The following MTCL2 variants were observed in gnomAD, a reference collection of about 807,000 sequenced individuals.
MTCL2 encodes microtubule crosslinking factor 2.
chr20:36,789,400 G>A, the MTCL2 span, among the ~76,000 whole-genome samples: 2 of 152,172 alleles, frequency 1.3e-5, no homozygotes, highest in South Asian at 2.1e-4. Flanking sequence ...AGTGGCTCAC[G>A]TCTGTTATCC....
chr20:36,817,209 G>T, the MTCL2 span, among the ~76,000 whole-genome samples: 1 of 147,872 alleles, frequency 6.8e-6, no homozygotes, highest in South Asian at 2.1e-4. Flanking sequence ...AGAGGTTGCA[G>T]TGAGCTGAGA....
the MTCL2 span, among the ~76,000 whole-genome samples, chr20:36,802,623 T>C: frequency 3.9e-5 from 6 of 152,100 alleles, no homozygotes. Flanking sequence ...TGTTTAAGAG[T>C]AAAGCTAACA....
the MTCL2 span, chr20:36,863,056 CACGGACCCCGGT>C: frequency 1.4e-6 from 2 of 1,410,350 alleles, no homozygotes; most frequent in South Asian, 2.7e-5. The surrounding 1 kb of genome is among the most constrained non-coding windows in gnomAD (Gnocchi z 6.2). Flanking sequence ...CGGCCCTTGG[CACGGACCCCGGT>C]GCGGACCCCG....
the MTCL2 span, among the ~76,000 whole-genome samples, chr20:36,857,290 G>A: frequency 6.6e-6 from 1 of 152,116 alleles, no homozygotes; most frequent in East Asian, 1.9e-4. Context: ...TGTTTCTGAC[G>A]TGGGGGTTGC....
chr20:36,862,060 C>G, the MTCL2 span, among the ~76,000 whole-genome samples: 1 of 152,230 alleles, frequency 6.6e-6, no homozygotes, highest in African/African-American at 2.4e-5. Context: ...GGTTCTCCCA[C>G]GACATCATCC....
At chr20:36,804,333 A>C in the MTCL2 span, among the ~76,000 whole-genome samples, 1 of 152,304 alleles carries the variant, frequency 6.6e-6, no homozygotes, top group East Asian at 1.9e-4. Context: ...GCTCCTGGTT[A>C]AGGCTCCTTT....
At chr20:36,780,179 C>CA in the MTCL2 span, 2 of 151,094 alleles carry the variant, frequency 1.3e-5, no homozygotes, top group African/African-American at 4.9e-5. Flanking sequence ...TTCCTCATCT[C>CA]AAAAAATGAG....
chr20:36,831,043 T>C, the MTCL2 span, among the ~76,000 whole-genome samples: 3 of 152,212 alleles, frequency 2.0e-5, no homozygotes, highest in African/African-American at 7.2e-5. Context: ...TCCAGGACTC[T>C]GTAGCAACAG....
the MTCL2 span, chr20:36,802,800 T>C: frequency 1.9e-5 from 29 of 1,540,790 alleles, no homozygotes; most frequent in Non-Finnish European, 2.5e-5. Flanking sequence ...TTCTGAATCA[T>C]TTCTGTAGCA....
At chr20:36,827,022 C>CTTTATTTATTTA in the MTCL2 span, among the ~76,000 whole-genome samples, 344 of 144,302 alleles carry the variant, frequency 2.4e-3, 3 homozygotes, top group Middle Eastern at 3.5e-3. Flanking sequence ...TATCATCCTG[C>CTTTATTTATTTA]TTTATTTATT....
the MTCL2 span, chr20:36,859,984 G>A: frequency 1.8e-6 from 2 of 1,108,874 alleles, no homozygotes; most frequent in Non-Finnish European, 2.3e-6. Context: ...AACACCTCCA[G>A]TAATAACCCC....
At chr20:36,839,437 T>C in the MTCL2 span, 1 of 1,612,934 alleles carries the variant, frequency 6.2e-7, no homozygotes, top group Non-Finnish European at 8.5e-7. The surrounding 1 kb of genome is among the most constrained non-coding windows in gnomAD (Gnocchi z 5.1). Flanking sequence ...CTCCTCAATC[T>C]CGTCCTGCGG....
At chr20:36,793,725 C>T in the MTCL2 span, 1 of 1,544,450 alleles carries the variant, frequency 6.5e-7, no homozygotes, top group Non-Finnish European at 8.7e-7. This position sits in a 1 kb window ranked among gnomAD's most constrained non-coding sequence, Gnocchi z 6.8. Context: ...TTGCTGCTGT[C>T]CAGCTTGGAC....
At chr20:36,838,094 C>G in the MTCL2 span, among the ~76,000 whole-genome samples, 2 of 151,674 alleles carry the variant, frequency 1.3e-5, no homozygotes, top group Non-Finnish European at 2.9e-5. Flanking sequence ...GTCGCCCAGG[C>G]TGGAGTGCAG....
chr20:36,803,189 A>C, the MTCL2 span: 1 of 1,484,318 alleles, frequency 6.7e-7, no homozygotes, highest in Non-Finnish European at 9.0e-7. Flanking sequence ...CCTGGGTGCC[A>C]GCGGGGAAAA....
At chr20:36,804,726 G>C in the MTCL2 span, 1 of 1,611,310 alleles carries the variant, frequency 6.2e-7, no homozygotes. Flanking sequence ...TGACAGGTGG[G>C]GGGCTCACCT....
the MTCL2 span, among the ~76,000 whole-genome samples, chr20:36,795,368 G>A: frequency 1.2e-3 from 178 of 152,282 alleles, no homozygotes; most frequent in Non-Finnish European, 2.1e-3. Flanking sequence ...GGGATTAGAG[G>A]CATGAGCCAC....
chr20:36,790,426 C>A, the MTCL2 span, among the ~76,000 whole-genome samples: 1 of 138,134 alleles, frequency 7.2e-6, no homozygotes, highest in Non-Finnish European at 1.5e-5. Context: ...CCACGCCTGG[C>A]CCTTTTTTTT....
the MTCL2 span, among the ~76,000 whole-genome samples, chr20:36,787,007 G>A: frequency 6.3e-3 from 932 of 149,102 alleles, 6 homozygotes; most frequent in African/African-American, 0.021. Context: ...CTTTTTTTTC[G>A]TTTGAGACAG....
Sources: allele counts gnomAD v4.1 joint callset (sites outside exome capture counted in the v4.1 genomes callset), GRCh38; gene constraint gnomAD v4.1.1; non-coding constraint Gnocchi (gnomAD v3.1); transcripts MANE v1.5; gene names NCBI Gene and HGNC (gene_info 2026-07-23, HGNC 2026-07-21).